Variants in DOCK3 observed in about 807,000 individuals in gnomAD.
The protein encoded by DOCK3 is dedicator of cytokinesis 3, also known as dedicator of cytokinesis protein 3.
DOCK3 carries 60 observed loss-of-function variants against 265.6 expected under a neutral mutation model. The ratio of observed to expected loss-of-function variants is 0.23; its 90% CI spans 0.18 to 0.28. The LOEUF (loss-of-function observed/expected upper bound fraction) is 0.28. DOCK3 is among the 10% of genes least tolerant of loss of function. The probability of loss-of-function intolerance (pLI) is 1.00; values close to 1 mark genes in which losing one functional copy is unlikely to be tolerated. For missense variants in DOCK3, 1,981 were observed against 2,594.3 expected (o/e 0.76, Z 5.14); for synonymous variants, 881 against 938.0 (o/e 0.94, Z 1.11).
chr3:50,868,901 GTT>G (rs147898866), intron 3 of DOCK3, among the ~76,000 whole-genome samples: 2 of 14,294 alleles, frequency 1.4e-4, no homozygotes, highest in African/African-American at 2.4e-4. Context: ...TGGATAATCT[GTT>G]TTTTTTTTTT....
At chr3:51,156,926 T>G (rs2085877761) in intron 10 of DOCK3, among the ~76,000 whole-genome samples, 1 of 152,226 alleles carries the variant, frequency 6.6e-6, no homozygotes, top group Admixed American at 6.5e-5. Flanking sequence ...TATCCTTCAG[T>G]AATCAACATC....
At chr3:51,227,622 T>C (rs2090385568) in intron 16 of DOCK3, among the ~76,000 whole-genome samples, 177 bp downstream of exon 16, 1 of 152,208 alleles carries the variant, frequency 6.6e-6, no homozygotes, top group African/African-American at 2.4e-5. Context: ...AAAGCAGTGA[T>C]TCAAAACCAC....
In DOCK3 at chr3:51,270,983, G is replaced by T; in HGVS notation, c.2524G>T (p.Asp842Tyr). ...GCTGCAGTCCATTGCCAGGACAGTG[G>T]ATAGCCGCCTGTTTTCTTTCTCAGG... ...VKLQSIARTV[D>Y]SRLFSFSESR... is the part of the protein sequence containing the mutation. The change falls in exon 24 of 53, where the codon GAT becomes TAT. Residue 842 changes from aspartate to tyrosine, a missense_variant. Asp to Tyr is a radical substitution (Grantham distance 160). This residue lies in a region of DOCK3 where 1,357 missense variants were observed against 1,866.8 expected (regional missense o/e 0.73). Coordinates refer to ENST00000266037, the MANE Select transcript of DOCK3 (RefSeq NM_004947.5). The T allele has an allele frequency of 6.2e-7, 1 of 1,613,058 alleles. No individual in the cohort carries two copies. The highest frequency in any genetic ancestry group is 8.5e-7 in the Non-Finnish European group (1 of 1,179,538).
chr3:51,357,670 G>T, intron 44 of DOCK3, 88 bp from the exon 45 acceptor site: 1 of 1,324,910 alleles, frequency 7.5e-7, no homozygotes, highest in Non-Finnish European at 1.1e-6. Flanking sequence ...CTGCTTTTTA[G>T]GTGGCATTAG....
At chr3:50,959,328 CCTTT>C (rs771780554) in intron 5 of DOCK3, among the ~76,000 whole-genome samples, 1 of 151,324 alleles carries the variant, frequency 6.6e-6, no homozygotes, top group South Asian at 2.1e-4. Context: ...TACATAGGTA[CCTTT>C]CTTTTTTTTT....
intron 1 of DOCK3, among the ~76,000 whole-genome samples, chr3:50,686,908 C>CA (rs34051001): frequency 0.021 from 1,877 of 90,696 alleles, 130 homozygotes; most frequent in African/African-American, 0.05. Flanking sequence ...GACTCCATCT[C>CA]AAAAAAAAAA....
intron 1 of DOCK3, among the ~76,000 whole-genome samples, chr3:50,769,028 C>A (rs1241750205): frequency 6.6e-6 from 1 of 151,378 alleles, no homozygotes; most frequent in Non-Finnish European, 1.5e-5. Flanking sequence ...TTTCATATAC[C>A]TGTTCATCAC....
rs2083794119 is a variant in DOCK3 at position 51,117,539 on chromosome 3, G to A, written c.746+27155G>A. On this transcript the variant is annotated intron_variant, in intron 9 of 52. Coordinates refer to ENST00000266037, the MANE Select transcript of DOCK3 (RefSeq NM_004947.5). Reference sequence around the variant, plus strand: ...GTTTGGAATAAGTTCAGAAGGAATGGTAGCAGCTCCTCTTTATACCTCTAG... The same window carrying A: ...GTTTGGAATAAGTTCAGAAGGAATGATAGCAGCTCCTCTTTATACCTCTAG... Among the ~76,000 whole-genome samples, 3 of 152,192 alleles carry A rather than the reference G, an allele frequency of 2.0e-5. No homozygotes were observed. The South Asian group carries it at 6.2e-4, about 32-fold the overall frequency.
chr3:50,916,218 A>G (rs761571290), intron 4 of DOCK3, among the ~76,000 whole-genome samples: 2 of 151,894 alleles, frequency 1.3e-5, no homozygotes, highest in Non-Finnish European at 2.9e-5. Context: ...GAGGCCTTCA[A>G]CTGTCCAGGG....
rs1290741246 is a variant in DOCK3 at position 51,361,980 on chromosome 3, C to T, written c.5128C>T (p.Leu1710=). Residue 1710 remains leucine, a synonymous_variant, in exon 48 of 53, where the codon CTG becomes TTG. Transcript: ENST00000266037. The surrounding 1 kb of genome is among the most constrained non-coding windows in gnomAD (Gnocchi z 4.2). ...CTCCATGGGTGATGCTCCTGAGGAC[C>T]TGTACCACCACATGCAGGTACAGAG... The part of the protein sequence containing the change: ...DGSMGDAPED[L]YHHMQLAYPN... 6.8e-6 allele frequency: 11 copies of T among 1,608,988 alleles called. No individual in the cohort carries two copies. The highest frequency in any genetic ancestry group is 1.3e-5 in the African/African-American group (1 of 74,844).
At chr3:51,175,318 G>A (rs1434750416) in intron 12 of DOCK3, among the ~76,000 whole-genome samples, 6 of 152,176 alleles carry the variant, frequency 3.9e-5, no homozygotes, top group Non-Finnish European at 8.8e-5. Flanking sequence ...CTCTAGACAG[G>A]TGTGTCTCTC....
chr3:50,769,655 A>G (rs2041149780), intron 1 of DOCK3, among the ~76,000 whole-genome samples: 2 of 151,918 alleles, frequency 1.3e-5, no homozygotes, highest in African/African-American at 2.4e-5. Flanking sequence ...TACTAAAAAT[A>G]CAAAAATTAG....
intron 12 of DOCK3, among the ~76,000 whole-genome samples, chr3:51,203,524 C>T (rs1402484609): frequency 4.6e-5 from 7 of 152,286 alleles, no homozygotes; most frequent in Non-Finnish European, 8.8e-5. Flanking sequence ...AGGATACAAA[C>T]AAATGGAAGA....
Position 51,237,530 on chromosome 3 carries a change from A to G in DOCK3, c.2042A>G (p.His681Arg), listed in dbSNP as rs754655834. The change falls in exon 21 of 53, where the codon CAC (histidine) becomes CGC (arginine). Residue 681 changes from histidine (H) to arginine (R), a missense_variant. His to Arg is a conservative substitution (Grantham distance 29). Around this residue, in one of 4 missense-constraint regions of DOCK3, gnomAD observed 1,357 missense variants for 1,866.8 expected, o/e 0.73. Transcript: ENST00000266037. ...CTGCTCCGAGACATCAAGTATTTTC[A>G]CTTTCGACCTGTGATGGACACGTAT... Reference protein sequence around the residue: ...INLLRDIKYFHFRPVMDTYIQ... With the variant: ...INLLRDIKYFRFRPVMDTYIQ... The G allele has an allele frequency of 1.2e-6, 2 of 1,613,130 alleles. No homozygotes were observed. Among genetic ancestry groups the G allele is most frequent in the Admixed American group, 3.3e-5 (2 of 59,844 alleles).
At chr3:51,111,427 T>C (rs1400346268) in intron 9 of DOCK3, among the ~76,000 whole-genome samples, 2 of 152,106 alleles carry the variant, frequency 1.3e-5, no homozygotes, top group Admixed American at 1.3e-4. Flanking sequence ...AATAAGGCTA[T>C]ACACCTACAA....
At chr3:50,978,343 T>G (rs2077549606) in intron 5 of DOCK3, among the ~76,000 whole-genome samples, 1 of 152,012 alleles carries the variant, frequency 6.6e-6, no homozygotes, top group Non-Finnish European at 1.5e-5. Flanking sequence ...CCTTTCTGTT[T>G]GTTAGTTTTC....
chr3:51,208,687 C>A (rs933257956), intron 12 of DOCK3, 87 bp from the exon 13 acceptor site: 10 of 1,039,882 alleles, frequency 9.6e-6, no homozygotes, highest in Non-Finnish European at 1.3e-5. Context: ...GGATCCTTTT[C>A]CCTTTGAACT....
chr3:51,065,508 A>G (rs759593348), intron 6 of DOCK3, among the ~76,000 whole-genome samples: 73 of 152,354 alleles, frequency 4.8e-4, no homozygotes, highest in Non-Finnish European at 4.0e-4. Context: ...CCAGAATCAT[A>G]GAAGGTGGGA....
At chr3:51,338,087 G>A (rs2084983269) in intron 35 of DOCK3, among the ~76,000 whole-genome samples, 1 of 152,188 alleles carries the variant, frequency 6.6e-6, no homozygotes, top group East Asian at 1.9e-4. Flanking sequence ...GACATTGGTA[G>A]GTGCCACTTA....
Sources: gnomAD v4.1 joint callset for allele counts (sites outside exome capture counted in the v4.1 genomes callset) on GRCh38, gnomAD v4.1.1 for gene constraint, gnomAD v4.1.1 regional missense constraint, Gnocchi (gnomAD v3.1) non-coding constraint, MANE v1.5 for transcripts, NCBI Gene and HGNC (gene_info 2026-07-23, HGNC 2026-07-21) for gene names.